The following NDUFS4 variants were observed in gnomAD, a reference collection of about 807,000 sequenced individuals.
NDUFS4 encodes NADH dehydrogenase [ubiquinone] iron-sulfur protein 4, mitochondrial.
NDUFS4 carries 28 observed loss-of-function variants against 24.3 expected under a neutral mutation model. The ratio of observed to expected loss-of-function variants is 1.15; its 90% CI spans 0.85 to 1.58. The LOEUF (loss-of-function observed/expected upper bound fraction) is 1.58, where lower values mean the gene tolerates loss of function less well. NDUFS4 is among the 40% of genes most tolerant of loss of function. The pLI, the probability that NDUFS4 is intolerant of heterozygous loss-of-function variation, is 0.00. For synonymous variants in NDUFS4, 93 were observed against 69.7 expected (o/e 1.34, Z -1.67); for missense variants, 223 against 207.9 (o/e 1.07, Z -0.45).
chr5:53,678,739 C>A (rs544834069), intron 4 of NDUFS4, among the ~76,000 whole-genome samples: 32 of 152,182 alleles, frequency 2.1e-4, no homozygotes, highest in African/African-American at 7.0e-4. Context: ...CATTTTATTT[C>A]TTGCAAAATA....
intron 2 of NDUFS4, chr5:53,604,840 C>T (rs1750448371): frequency 2.2e-6 from 1 of 456,192 alleles, no homozygotes; most frequent in African/African-American, 2.0e-5. Flanking sequence ...TACCTGGATG[C>T]ATTTTAACTA....
chr5:53,652,374 T>TTAATTTTACAG (rs775786528), intron 3 of NDUFS4, among the ~76,000 whole-genome samples: 2 of 152,296 alleles, frequency 1.3e-5, no homozygotes, highest in South Asian at 2.1e-4. Flanking sequence ...CAGTAATTTT[T>TTAATTTTACAG]TAATTTTACA....
At chr5:53,628,354 T>C (rs365932) in intron 2 of NDUFS4, among the ~76,000 whole-genome samples, 39,263 of 152,058 alleles carry the variant, frequency 0.26, 6,748 homozygotes, top group African/African-American at 0.48. Flanking sequence ...TTTTTTGTTG[T>C]GTCTCTGCCA....
intron 1 of NDUFS4, among the ~76,000 whole-genome samples, chr5:53,575,343 C>G (rs1055797227): frequency 3.3e-5 from 5 of 151,946 alleles, no homozygotes; most frequent in African/African-American, 1.2e-4. Flanking sequence ...GCATCCTTTC[C>G]AGATTTCATG....
chr5:53,682,268 G>GACAT (rs565459887), intron 4 of NDUFS4, among the ~76,000 whole-genome samples: 14 of 152,222 alleles, frequency 9.2e-5, no homozygotes, highest in South Asian at 8.3e-4. Context: ...AGAAAATGTA[G>GACAT]ACATACATAT....
intron 4 of NDUFS4, among the ~76,000 whole-genome samples, chr5:53,677,257 G>A (rs891592659): frequency 2.0e-5 from 3 of 152,212 alleles, no homozygotes; most frequent in South Asian, 2.1e-4. Context: ...TCAAGGGGCC[G>A]TTGACTGTCA....
chr5:53,681,874 G>C (rs1740676465), intron 4 of NDUFS4, among the ~76,000 whole-genome samples: 1 of 152,048 alleles, frequency 6.6e-6, no homozygotes, highest in Admixed American at 6.6e-5. Flanking sequence ...TTGATGAGTT[G>C]AGTTCCATAG....
intron 1 of NDUFS4, among the ~76,000 whole-genome samples, chr5:53,564,859 C>T (rs1000202639): frequency 6.6e-6 from 1 of 152,096 alleles, no homozygotes; most frequent in African/African-American, 2.4e-5. Flanking sequence ...TATGTAATGT[C>T]GGCATATAGT....
At chr5:53,618,123 T>C (rs1750909687) in intron 2 of NDUFS4, among the ~76,000 whole-genome samples, 2 of 151,750 alleles carry the variant, frequency 1.3e-5, no homozygotes, top group South Asian at 4.2e-4. Context: ...CAAAAAAAAA[T>C]TAGCCGAGGG....
chr5:53,591,848 A>G (rs1469330898), intron 1 of NDUFS4, among the ~76,000 whole-genome samples: 1 of 152,116 alleles, frequency 6.6e-6, no homozygotes, highest in Non-Finnish European at 1.5e-5. Flanking sequence ...ATACTTATTT[A>G]TCATCTGTAT....
At chr5:53,677,185 C>A (rs149122550) in intron 4 of NDUFS4, among the ~76,000 whole-genome samples, 6 of 152,100 alleles carry the variant, frequency 3.9e-5, no homozygotes, top group Non-Finnish European at 8.8e-5. Context: ...ATAGTTCCAA[C>A]TACTGCTTTG....
At chr5:53,570,270 G>A (rs28507151) in intron 1 of NDUFS4, among the ~76,000 whole-genome samples, 65,598 of 151,950 alleles carry the variant, frequency 0.43, 14,800 homozygotes, top group Admixed American at 0.51. Flanking sequence ...TAATATAAAT[G>A]TAGTCATATA....
At chr5:53,655,162 A>G (rs75721845) in intron 3 of NDUFS4, among the ~76,000 whole-genome samples, 3,225 of 152,292 alleles carry the variant, frequency 0.021, 50 homozygotes, top group Non-Finnish European at 0.033. Context: ...TGAAATATAC[A>G]TTAAGAAAAG....
At chr5:53,616,561 T>C (rs1750846341) in intron 2 of NDUFS4, among the ~76,000 whole-genome samples, 1 of 152,152 alleles carries the variant, frequency 6.6e-6, no homozygotes, top group Non-Finnish European at 1.5e-5. Context: ...GAAAAGCTAA[T>C]GACCAAAAGT....
At chr5:53,565,641 A>G (rs1748996048) in intron 1 of NDUFS4, among the ~76,000 whole-genome samples, 2 of 152,264 alleles carry the variant, frequency 1.3e-5, no homozygotes, top group African/African-American at 4.8e-5. Flanking sequence ...AACTATCTAC[A>G]ACACATATTC....
intron 2 of NDUFS4, among the ~76,000 whole-genome samples, chr5:53,625,933 A>T (rs1238165948): frequency 6.6e-6 from 1 of 152,186 alleles, no homozygotes; most frequent in African/African-American, 2.4e-5. Flanking sequence ...CATGTGCACA[A>T]CGTGCAGGTC....
At chr5:53,661,206 G>T (rs1377159975) in intron 4 of NDUFS4, among the ~76,000 whole-genome samples, 2 of 152,140 alleles carry the variant, frequency 1.3e-5, no homozygotes, top group Non-Finnish European at 2.9e-5. Flanking sequence ...TCCAGTTTCA[G>T]CTTTCTACAT....
At chr5:53,636,147 G>C (rs1265442401) in intron 2 of NDUFS4, among the ~76,000 whole-genome samples, 1 of 152,162 alleles carries the variant, frequency 6.6e-6, no homozygotes, top group African/African-American at 2.4e-5. Flanking sequence ...GCCTCCCTAG[G>C]AGCTGGTATT....
At chr5:53,598,533 G>A (rs908094483) in intron 1 of NDUFS4, among the ~76,000 whole-genome samples, 1 of 152,026 alleles carries the variant, frequency 6.6e-6, no homozygotes, top group Non-Finnish European at 1.5e-5. Context: ...AGAGCAACAA[G>A]TTCCTCATTT....
Sources: allele counts gnomAD v4.1 joint callset (sites outside exome capture counted in the v4.1 genomes callset), GRCh38; gene constraint gnomAD v4.1.1; transcripts MANE v1.5; gene names NCBI Gene and HGNC (gene_info 2026-07-23, HGNC 2026-07-21).